The following STK25 variants were observed in gnomAD, a reference collection of about 807,000 sequenced individuals.
STK25 encodes serine/threonine kinase 25.
STK25 carries 29 observed loss-of-function variants against 53.8 expected under a neutral mutation model. That is an observed-to-expected ratio of 0.54 (90% CI 0.40 to 0.74). The LOEUF is 0.74. Among genes scored for constraint, STK25 ranks in the 30% least tolerant of loss-of-function variants. STK25 has a pLI of 0.00. For missense variants in STK25, 420 were observed against 568.0 expected, an observed-to-expected ratio of 0.74 and a Z score of 2.65; for synonymous variants, 247 against 238.3, an observed-to-expected ratio of 1.04 and a Z score of -0.33.
At chr2:241,498,898 G>A in intron 7 of STK25, 91 bp downstream of exon 7, 1 of 1,607,844 alleles carries the variant, frequency 6.2e-7, no homozygotes, top group Non-Finnish European at 8.5e-7. Context: ...AGGCTGGTGG[G>A]CCTGGGCCTC....
Position 241,501,202 on chromosome 2 carries a change from C to T in STK25, c.261+276G>A. 1.8e-6 allele frequency: 1 copy of T among 563,140 alleles called. No individual in the cohort carries two copies. The highest frequency in any genetic ancestry group is 3.2e-6 in the Non-Finnish European group (1 of 312,358). The allele number at this position is 563,140 out of a possible 1,614,324, so 34.9% of individuals were successfully genotyped here. ...CACCAGCCACCTGCTCCTCACAGGC[C>T]CACTCACCACTGCCAGTAGGGGCCC... On this transcript the variant is annotated intron_variant, in intron 3 of 11. Coordinates refer to ENST00000316586, the MANE Select transcript of STK25 (RefSeq NM_001271977.2). This position sits in a 1 kb window ranked among gnomAD's most constrained non-coding sequence, Gnocchi z 5.3.
intron 2 of STK25, among the ~76,000 whole-genome samples, chr2:241,505,598 G>C (rs987085481): frequency 2.6e-5 from 4 of 152,198 alleles, no homozygotes; most frequent in African/African-American, 9.6e-5. Context: ...GCCTGGAGCT[G>C]AATCTGCTCC....
In STK25 at chr2:241,503,813, G is replaced by A. The variant is rs555239484; in HGVS notation, c.31-2105C>T. ...GCACGTTCCTGGGCCTGCGGAGACCGTGCCCACCAAGAAGGATGGGGTACA... is the reference window on the plus strand; with the variant it reads ...GCACGTTCCTGGGCCTGCGGAGACCATGCCCACCAAGAAGGATGGGGTACA... On this transcript the variant is annotated intron_variant, in intron 2 of 11. Coordinates refer to ENST00000316586, the MANE Select transcript of STK25 (RefSeq NM_001271977.2). 6.6e-5 allele frequency among the ~76,000 whole-genome samples: 10 copies of A among 151,418 alleles called. No individual in the cohort carries two copies. The South Asian group carries it at 8.4e-4, about 13-fold the overall frequency.
In STK25 at chr2:241,504,455, G is replaced by C. The variant is rs539551205; in HGVS notation, c.31-2747C>G. Among the ~76,000 whole-genome samples, 12 of 152,260 alleles carry C rather than the reference G, an allele frequency of 7.9e-5. No homozygotes were observed. The South Asian group carries it at 2.5e-3, about 32-fold the overall frequency. On this transcript the variant is annotated intron_variant, in intron 2 of 11. Coordinates refer to ENST00000316586, the MANE Select transcript of STK25 (RefSeq NM_001271977.2). ...GCTGAGTACTGCCTGGGGTCATTCC[G>C]GTCAAGGTGAGCTGTGTCTGCCCCC... is the stretch of plus-strand genomic sequence containing the variant.
At position 241,493,191 on chromosome 2, in the gene STK25, C is replaced by T. The variant is rs1398775404; in HGVS notation, c.*2471G>A. The T allele has an allele frequency of 1.8e-5, 25 of 1,379,282 alleles. No homozygotes were observed. Among genetic ancestry groups the T allele is most frequent in the African/African-American group, 7.1e-5 (5 of 70,124 alleles). 85.4% of individuals were successfully genotyped at this position (1,379,282 alleles called of 1,614,324 possible). On this transcript the variant is annotated 3_prime_UTR_variant, in exon 12 of 12. Coordinates refer to ENST00000316586, the MANE Select transcript of STK25 (RefSeq NM_001271977.2). The stretch of plus-strand genomic sequence containing the variant: ...AACAGGGAAACTGGCTCCCTTGGCC[C>T]GTGGGCATTTGTACGTGCCACCGTT...
intron 2 of STK25, among the ~76,000 whole-genome samples, chr2:241,505,939 T>C (rs1025506834): frequency 1.3e-5 from 2 of 152,206 alleles, no homozygotes; most frequent in African/African-American, 4.8e-5. Context: ...ACACCTGTTC[T>C]CCACATTAGC....
Position 241,501,787 on chromosome 2 carries a change from G to T in STK25, c.31-79C>A, listed in dbSNP as rs2124981097. ...GGGACAGGCAGAGGCTGCCCTGCTGGGGAGGAAGGGACCTGTAGGGAAGGG... is the reference window on the plus strand; with the variant it reads ...GGGACAGGCAGAGGCTGCCCTGCTGTGGAGGAAGGGACCTGTAGGGAAGGG... On this transcript the variant is annotated intron_variant, in intron 2 of 11. Transcript: ENST00000316586. The surrounding 1 kb of genome is among the most constrained non-coding windows in gnomAD (Gnocchi z 5.3). 2 of 1,066,472 alleles carry T rather than the reference G, an allele frequency of 1.9e-6. No individual in the cohort carries two copies. Among genetic ancestry groups the T allele is most frequent in the Non-Finnish European group, 2.8e-6 (2 of 714,810 alleles). The allele number at this position is 1,066,472 out of a possible 1,614,324, so 66.1% of individuals were successfully genotyped here.
intron 2 of STK25, among the ~76,000 whole-genome samples, chr2:241,506,163 C>T (rs1054348681): frequency 1.1e-4 from 16 of 152,336 alleles, no homozygotes; most frequent in Non-Finnish European, 2.1e-4. Context: ...GGGGAACGCG[C>T]CCCACTCTCC....
Position 241,493,577 on chromosome 2 carries a change from C to A in STK25, c.*2085G>T. 1 of 759,524 alleles carries A rather than the reference C, an allele frequency of 1.3e-6. No individual in the cohort carries two copies. The highest frequency in any genetic ancestry group is 2.1e-6 in the Non-Finnish European group (1 of 467,598). The allele number at this position is 759,524 out of a possible 1,614,324, so 47.0% of individuals were successfully genotyped here. A position where few individuals can be genotyped will look rare whatever the true frequency, so the allele number is the denominator to read the frequency against. ...GGGCTGAGCAATGCTTCCAGCATTT[C>A]CAAAAAACAGCAATGCTTTGTTTTT... is the stretch of plus-strand genomic sequence containing the variant. On this transcript the variant is annotated 3_prime_UTR_variant, in exon 12 of 12. Coordinates refer to ENST00000316586, the MANE Select transcript of STK25 (RefSeq NM_001271977.2).
At chr2:241,495,980 G>A (rs1182827682) in intron 11 of STK25, among the ~76,000 whole-genome samples, 2 of 152,236 alleles carry the variant, frequency 1.3e-5, no homozygotes, top group Non-Finnish European at 2.9e-5. Flanking sequence ...AGTCCGTTGG[G>A]CGGTGGAGGG....
intron 11 of STK25, 105 bp from the exon 12 acceptor site, chr2:241,495,806 C>T: frequency 4.2e-6 from 5 of 1,190,152 alleles, no homozygotes; most frequent in South Asian, 1.2e-5. Context: ...CAAGCCACCG[C>T]ACCACGTGGG....
rs376584360 is a variant in STK25 at position 241,495,748 on chromosome 2, A to G, written c.1242-47T>C. 3.7e-6 allele frequency: 6 copies of G among 1,610,014 alleles called. No homozygotes were observed. The African/African-American group carries it at 8.0e-5, about 22-fold the overall frequency. On this transcript the variant is annotated intron_variant, in intron 11 of 11. Transcript: ENST00000316586. ...GCTGCGTGCGTGCACCTCTGTGCCC[A>G]GGCTCCTGACGGCCTCTTGGGTGTG...
rs777171524 is a variant in STK25, at chr2:241,493,494, T to A, written c.*2168A>T. 5 of 1,575,450 alleles carry A rather than the reference T, an allele frequency of 3.2e-6. No homozygotes were observed. In the East Asian group the frequency reaches 1.1e-4, roughly 35 times the overall value. ...GTCAGCTGCCCATTTCGATGTCCGC[T>A]CAGCTCCCATTTCTACTCATGGTGG... is the stretch of plus-strand genomic sequence containing the variant. On this transcript the variant is annotated 3_prime_UTR_variant, in exon 12 of 12. Transcript: ENST00000316586.
At chr2:241,509,519 C>G (rs957638231), upstream of STK25, 2 of 152,470 alleles carry the variant, frequency 1.3e-5, no homozygotes, top group Admixed American at 6.5e-5. Context: ...GGCCCTCACT[C>G]TCCATGATGG....
chr2:241,500,726 G>A lies in STK25; in HGVS notation c.318+14C>T, dbSNP rs547419489. The stretch of plus-strand genomic sequence containing the variant: ...ACACTGCATGACCCCCCACTGCCAT[G>A]GCCTATGCCTCACCAAGTCCAGTGC... On this transcript the variant is annotated intron_variant, in intron 4 of 11. Coordinates refer to ENST00000316586, the MANE Select transcript of STK25 (RefSeq NM_001271977.2). The A allele has an allele frequency of 1.2e-6, 2 of 1,613,498 alleles. No individual in the cohort carries two copies. The highest frequency in any genetic ancestry group is 1.3e-5 in the African/African-American group (1 of 75,028).
intron 5 of STK25, 46 bp downstream of exon 5, chr2:241,500,127 G>A: frequency 6.5e-7 from 1 of 1,537,326 alleles, no homozygotes; most frequent in Non-Finnish European, 9.0e-7. Flanking sequence ...TCTAAGGTCA[G>A]TGGGGCTCAG....
Position 241,495,538 on chromosome 2 carries a change from C to T in STK25, c.*124G>A, listed in dbSNP as rs1048061896. ...CTGGTGACCTGGCATGTGAGGCCCA[C>T]GGGATCCGACGTGTCCCTGCAGGCA... On this transcript the variant is annotated 3_prime_UTR_variant, in exon 12 of 12. Coordinates refer to ENST00000316586, the MANE Select transcript of STK25 (RefSeq NM_001271977.2). The T allele has an allele frequency of 1.4e-5, 15 of 1,036,238 alleles. No individual in the cohort carries two copies. Among genetic ancestry groups the T allele is most frequent in the African/African-American group, 7.8e-5 (5 of 63,788 alleles). 64.2% of individuals were successfully genotyped at this position (1,036,238 alleles called of 1,614,324 possible).
rs1435364475 is a variant in STK25 at position 241,495,576 on chromosome 2, G to A, written c.*86C>T. The A allele has an allele frequency of 6.7e-7, 1 of 1,493,510 alleles. No homozygotes were observed. Among genetic ancestry groups the A allele is most frequent in the Non-Finnish European group, 9.3e-7 (1 of 1,070,958 alleles). 92.5% of individuals were successfully genotyped at this position (1,493,510 alleles called of 1,614,324 possible). ...GTCCCTGCAGGCACGACATAGCACA[G>A]GGCACCTTCCAAGTCAGCACAGTTC... On this transcript the variant is annotated 3_prime_UTR_variant, in exon 12 of 12. Transcript: ENST00000316586.
At chr2:241,503,015 G>A (rs2065603260) in intron 2 of STK25, among the ~76,000 whole-genome samples, 1 of 152,164 alleles carries the variant, frequency 6.6e-6, no homozygotes, top group Non-Finnish European at 1.5e-5. Context: ...CTGTGGCCCA[G>A]GCCCAGAGTC....
Sources: gnomAD v4.1 joint callset for allele counts (sites outside exome capture counted in the v4.1 genomes callset) on GRCh38, gnomAD v4.1.1 for gene constraint, Gnocchi (gnomAD v3.1) non-coding constraint, MANE v1.5 for transcripts, NCBI Gene and HGNC (gene_info 2026-07-23, HGNC 2026-07-21) for gene names.